Variants in SCN10A observed in about 807,000 individuals in gnomAD.
SCN10A encodes sodium voltage-gated channel alpha subunit 10.
SCN10A carries 162 observed loss-of-function variants against 170.7 expected under a neutral mutation model. That is an observed-to-expected ratio of 0.95 (90% CI 0.84 to 1.08). The LOEUF (loss-of-function observed/expected upper bound fraction) is 1.08. SCN10A is among the 50% of genes least tolerant of loss of function. The pLI is 0.00. For synonymous variants in SCN10A, 985 were observed against 904.6 expected (o/e 1.09, Z -1.59); for missense variants, 2,527 against 2,436.9 (o/e 1.04, Z -0.78).
chr3:38,771,022 TC>T (rs1315254246), intron 5 of SCN10A, among the ~76,000 whole-genome samples: 1 of 152,068 alleles, frequency 6.6e-6, no homozygotes, highest in South Asian at 2.1e-4. Context: ...GAGGCAGGTT[TC>T]CCCCCCTCAC....
At chr3:38,807,926 G>A (rs1423404856) in intron 1 of SCN10A, among the ~76,000 whole-genome samples, 1 of 151,944 alleles carries the variant, frequency 6.6e-6, no homozygotes, top group East Asian at 1.9e-4. Flanking sequence ...TCATTAACTG[G>A]TCTCTCCCAT....
intron 4 of SCN10A, among the ~76,000 whole-genome samples, chr3:38,775,314 T>C (rs1180536347): frequency 1.3e-5 from 2 of 152,214 alleles, no homozygotes; most frequent in Non-Finnish European, 2.9e-5. Flanking sequence ...AGGTACCTAC[T>C]AAAGGTGGAA....
chr3:38,744,458 C>CT (rs59639785), intron 13 of SCN10A, among the ~76,000 whole-genome samples: 22 of 147,296 alleles, frequency 1.5e-4, no homozygotes, highest in Admixed American at 4.0e-4. Context: ...TATTTGTTTT[C>CT]TTTTTTTTTC....
intron 3 of SCN10A, among the ~76,000 whole-genome samples, chr3:38,790,547 T>A (rs2064268131): frequency 1.3e-5 from 2 of 151,958 alleles, no homozygotes; most frequent in African/African-American, 4.8e-5. Flanking sequence ...AGTTTGTATG[T>A]TTGTGATTTC....
At chr3:38,708,876 G>A (rs1465772282) in intron 25 of SCN10A, among the ~76,000 whole-genome samples, 5 of 152,182 alleles carry the variant, frequency 3.3e-5, no homozygotes, top group Non-Finnish European at 4.4e-5. Flanking sequence ...TCTCAGTTAC[G>A]CAAATCTAGA....
At chr3:38,712,584 G>A (rs373289508) in intron 22 of SCN10A, 139 bp from the exon 23 acceptor site, 3 of 785,222 alleles carry the variant, frequency 3.8e-6, no homozygotes, top group Admixed American at 5.8e-5. Context: ...GTTAATTAGT[G>A]CAATAATTCA....
At chr3:38,745,568 G>A (rs1337349358) in intron 13 of SCN10A, among the ~76,000 whole-genome samples, 1 of 152,026 alleles carries the variant, frequency 6.6e-6, no homozygotes, top group Non-Finnish European at 1.5e-5. Flanking sequence ...TTTCCTCACA[G>A]GCAAACTTCT....
rs748973626 is a variant in SCN10A, at chr3:38,698,191, AG to A, written c.5028del (p.Tyr1677ThrfsTer21). ...CTGTTGGGCAGATTGGGGTCACAGT[AG>A]GGGGGCCCTGTGTTGAGGATGGGGC... ...LLSPILNTGP[P>X]YCDPNLPNSN... is the part of the protein sequence containing the mutation. On this transcript the variant is annotated frameshift_variant, in exon 28 of 28. Transcript: ENST00000449082. LOFTEE classifies it high-confidence loss of function. 2 of 1,614,026 alleles carry A rather than the reference AG, an allele frequency of 1.2e-6. No homozygotes were observed. Among genetic ancestry groups the A allele is most frequent in the Non-Finnish European group, 1.7e-6 (2 of 1,179,994 alleles).
At chr3:38,802,529 T>G (rs982104056) in intron 1 of SCN10A, among the ~76,000 whole-genome samples, 3 of 152,112 alleles carry the variant, frequency 2.0e-5, no homozygotes, top group Admixed American at 2.0e-4. Flanking sequence ...CCTTAAAACT[T>G]TTTAATTACC....
intron 15 of SCN10A, among the ~76,000 whole-genome samples, chr3:38,729,409 C>A (rs1292769246): frequency 6.6e-6 from 1 of 152,164 alleles, no homozygotes; most frequent in Non-Finnish European, 1.5e-5. Context: ...CTCCCACCAG[C>A]TTTGAAACTG....
At chr3:38,804,119 A>T (rs1416713690) in intron 1 of SCN10A, among the ~76,000 whole-genome samples, 1 of 152,152 alleles carries the variant, frequency 6.6e-6, no homozygotes, top group Non-Finnish European at 1.5e-5. Context: ...CCATAACTTC[A>T]TCTCTGAACT....
chr3:38,723,665 G>T, intron 18 of SCN10A, 112 bp from the exon 19 acceptor site: 1 of 1,283,350 alleles, frequency 7.8e-7, no homozygotes, highest in Non-Finnish European at 1.1e-6. Context: ...GCCAGCTGAG[G>T]CCTGGAACAC....
At chr3:38,766,279 G>A (rs1183677585) in intron 5 of SCN10A, among the ~76,000 whole-genome samples, 1 of 152,114 alleles carries the variant, frequency 6.6e-6, no homozygotes, top group Non-Finnish European at 1.5e-5. Context: ...ATGTTGGATA[G>A]AAATGGTGAA....
intron 15 of SCN10A, among the ~76,000 whole-genome samples, chr3:38,733,565 T>C (rs916359232): frequency 1.3e-5 from 2 of 152,182 alleles, no homozygotes; most frequent in Non-Finnish European, 2.9e-5. Flanking sequence ...AGTTAACTAA[T>C]GGAGAGTTAA....
intron 15 of SCN10A, among the ~76,000 whole-genome samples, chr3:38,738,145 T>C (rs2063591231): frequency 6.6e-6 from 1 of 152,014 alleles, no homozygotes; most frequent in African/African-American, 2.4e-5. Context: ...TTCACCATGT[T>C]GCCCTTGAAC....
chr3:38,792,154 C>A lies in SCN10A; in HGVS notation c.285G>T (p.Leu95=), dbSNP rs560088419. The A allele has an allele frequency of 1.2e-4, 196 of 1,613,710 alleles. 1 individual carries two copies. In the South Asian group the frequency reaches 2.0e-3, roughly 16 times the overall value. ...ACCGGGAAATGGTCCTCCCTTTGTT[C>A]AGCACCATAAATGTCTGAAACAAAA... ...FYSTHRTFMV[L]NKGRTISRFS... Residue 95 remains leucine (L), a synonymous_variant, in exon 3 of 28, where the codon CTG becomes CTT. Coordinates refer to ENST00000449082, the MANE Select transcript of SCN10A (RefSeq NM_006514.4).
chr3:38,733,964 C>A (rs2063535347), intron 15 of SCN10A, among the ~76,000 whole-genome samples: 1 of 152,106 alleles, frequency 6.6e-6, no homozygotes, highest in South Asian at 2.1e-4. Flanking sequence ...AGGTGATCCG[C>A]CTGCCTGCGC....
intron 4 of SCN10A, among the ~76,000 whole-genome samples, chr3:38,781,462 A>G (rs1403565396): frequency 6.6e-6 from 1 of 152,184 alleles, no homozygotes; most frequent in African/African-American, 2.4e-5. Flanking sequence ...TGCATGTCAC[A>G]CAACCAACAG....
intron 4 of SCN10A, among the ~76,000 whole-genome samples, chr3:38,785,738 C>T (rs2064192259): frequency 6.6e-6 from 1 of 151,978 alleles, no homozygotes; most frequent in Admixed American, 6.6e-5. Flanking sequence ...ATCAATCTGA[C>T]AAAGGGCTAA....
Sources: gnomAD v4.1 joint callset for allele counts (sites outside exome capture counted in the v4.1 genomes callset) on GRCh38, gnomAD v4.1.1 for gene constraint, MANE v1.5 for transcripts, NCBI Gene and HGNC (gene_info 2026-07-23, HGNC 2026-07-21) for gene names.